The following PDZRN3 variants were observed in gnomAD, a reference collection of about 807,000 sequenced individuals.
PDZRN3 encodes the protein E3 ubiquitin-protein ligase PDZRN3.
Under a neutral mutation model 85.7 loss-of-function variants are expected in PDZRN3, and 38 were observed. That is an observed-to-expected ratio of 0.44 (90% CI 0.34 to 0.58). The LOEUF is 0.58. Ranked by LOEUF, PDZRN3 falls within the 20% of genes least tolerant of loss-of-function variation. The pLI, the probability that PDZRN3 is intolerant of heterozygous loss-of-function variation, is 0.01. For missense variants in PDZRN3, 1,629 were observed against 1,506.4 expected, an observed-to-expected ratio of 1.08 and a Z score of -1.35; for synonymous variants, 759 against 638.0, an observed-to-expected ratio of 1.19 and a Z score of -2.86.
chr3:73,570,331 A>G (rs1484768334), intron 3 of PDZRN3, among the ~76,000 whole-genome samples: 1 of 152,228 alleles, frequency 6.6e-6, no homozygotes, highest in Non-Finnish European at 1.5e-5. Flanking sequence ...TGTTAACAAA[A>G]TGTGAGACTA....
intron 3 of PDZRN3, among the ~76,000 whole-genome samples, chr3:73,575,627 T>C (rs1417667915): frequency 6.6e-6 from 1 of 152,184 alleles, no homozygotes; most frequent in African/African-American, 2.4e-5. Context: ...TCCAAGAAAG[T>C]TCAGAAGAAG....
intron 3 of PDZRN3, among the ~76,000 whole-genome samples, chr3:73,453,854 C>T (rs138079147): frequency 2.6e-5 from 4 of 152,122 alleles, no homozygotes; most frequent in Non-Finnish European, 5.9e-5. Context: ...CCATTTCCTG[C>T]ATTGTATTCA....
At chr3:73,540,098 A>C (rs1329151712) in intron 3 of PDZRN3, among the ~76,000 whole-genome samples, 1 of 151,216 alleles carries the variant, frequency 6.6e-6, no homozygotes, top group Non-Finnish European at 1.5e-5. Flanking sequence ...AAAAAAAAAA[A>C]AAAAAAAAAA....
chr3:73,615,988 CCT>C (rs1319280255), intron 1 of PDZRN3, among the ~76,000 whole-genome samples: 1 of 152,164 alleles, frequency 6.6e-6, no homozygotes, highest in East Asian at 1.9e-4. Context: ...GGGGTGGACA[CCT>C]CATGAAGAGA....
At chr3:73,389,662 A>G (rs1559650764) in intron 7 of PDZRN3, among the ~76,000 whole-genome samples, 154 bp downstream of exon 7, 1 of 152,236 alleles carries the variant, frequency 6.6e-6, no homozygotes, top group South Asian at 2.1e-4. Flanking sequence ...TAGCCTCACA[A>G]TTAGTTTAAC....
intron 3 of PDZRN3, among the ~76,000 whole-genome samples, chr3:73,563,176 G>A (rs1217543071): frequency 2.0e-5 from 3 of 149,626 alleles, no homozygotes; most frequent in African/African-American, 7.4e-5. Flanking sequence ...CCGCCACCAC[G>A]CCCGGCTATT....
At chr3:73,586,000 A>G (rs189051279) in intron 3 of PDZRN3, among the ~76,000 whole-genome samples, 23 of 152,354 alleles carry the variant, frequency 1.5e-4, no homozygotes, top group Non-Finnish European at 5.9e-5. Context: ...ACTAAGAAAA[A>G]GGTTTACTTG....
intron 3 of PDZRN3, among the ~76,000 whole-genome samples, chr3:73,580,333 T>G (rs1185708221): frequency 1.3e-5 from 2 of 152,180 alleles, no homozygotes; most frequent in Admixed American, 1.3e-4. Context: ...CCTCAGATCC[T>G]TATGGGGTTC....
chr3:73,492,632 G>C (rs1480397013), intron 3 of PDZRN3, among the ~76,000 whole-genome samples: 1 of 152,190 alleles, frequency 6.6e-6, no homozygotes, highest in Non-Finnish European at 1.5e-5. Flanking sequence ...AGCACCCAAG[G>C]AGGCAGTGTG....
At chr3:73,447,722 GATTA>G (rs1220937196) in intron 3 of PDZRN3, among the ~76,000 whole-genome samples, 1 of 152,200 alleles carries the variant, frequency 6.6e-6, no homozygotes, top group Non-Finnish European at 1.5e-5. Flanking sequence ...AGTCCAAAAA[GATTA>G]CTTACCGGCG....
rs539418350 is a variant in PDZRN3 at position 73,583,179 on chromosome 3, C to T, written c.918+19175G>A. Among the ~76,000 whole-genome samples, 11 of 152,258 alleles carry T rather than the reference C, an allele frequency of 7.2e-5. No homozygotes were observed. The South Asian group carries it at 2.1e-3, about 29-fold the overall frequency. ...ACCTACCTTATGAGATAGAAACTGT[C>T]GTGCTCATTTTTCAGGCAAGAACAT... is the stretch of plus-strand genomic sequence containing the variant. On this transcript the variant is annotated intron_variant, in intron 3 of 9. Transcript: ENST00000263666.
intron 3 of PDZRN3, among the ~76,000 whole-genome samples, chr3:73,416,461 G>C (rs1702083918): frequency 6.6e-6 from 1 of 151,220 alleles, no homozygotes; most frequent in East Asian, 1.9e-4. Flanking sequence ...TTCTGTAATG[G>C]GCTCTGGATC....
chr3:73,604,368 G>T (rs921855180), intron 2 of PDZRN3, among the ~76,000 whole-genome samples: 6 of 152,168 alleles, frequency 3.9e-5, no homozygotes, highest in African/African-American at 1.4e-4. Flanking sequence ...ACCACAAGTG[G>T]TAAGTACTAT....
At chr3:73,480,171 T>G (rs1703534555) in intron 3 of PDZRN3, among the ~76,000 whole-genome samples, 1 of 152,194 alleles carries the variant, frequency 6.6e-6, no homozygotes, top group Non-Finnish European at 1.5e-5. Flanking sequence ...TGTCAGAGAA[T>G]GCCCTGATTC....
intron 3 of PDZRN3, among the ~76,000 whole-genome samples, chr3:73,503,635 G>A (rs1323990413): frequency 6.6e-6 from 1 of 152,112 alleles, no homozygotes; most frequent in Non-Finnish European, 1.5e-5. Context: ...TTTTCCCTAT[G>A]TACTTTGCAA....
At chr3:73,522,564 A>C (rs889769671) in intron 3 of PDZRN3, among the ~76,000 whole-genome samples, 2 of 152,206 alleles carry the variant, frequency 1.3e-5, no homozygotes, top group African/African-American at 4.8e-5. Flanking sequence ...TGAGAATCAA[A>C]TACAGTGAGT....
chr3:73,408,316 T>C (rs1701895571), intron 3 of PDZRN3: 1 of 663,008 alleles, frequency 1.5e-6, no homozygotes. Context: ...TTAGATGAGA[T>C]AACTTACTGG....
chr3:73,550,445 GA>G (rs2106802756), intron 3 of PDZRN3, among the ~76,000 whole-genome samples: 1 of 152,258 alleles, frequency 6.6e-6, no homozygotes, highest in South Asian at 2.1e-4. Flanking sequence ...TCTTACCCTA[GA>G]CCAATTAAAC....
chr3:73,524,071 T>G (rs1704461442), intron 3 of PDZRN3, among the ~76,000 whole-genome samples: 1 of 152,146 alleles, frequency 6.6e-6, no homozygotes, highest in African/African-American at 2.4e-5. Flanking sequence ...CCCCGGGACC[T>G]CTCCTTTCAC....
Sources: allele counts gnomAD v4.1 joint callset (sites outside exome capture counted in the v4.1 genomes callset), GRCh38; gene constraint gnomAD v4.1.1; transcripts MANE v1.5; gene names NCBI Gene and HGNC (gene_info 2026-07-23, HGNC 2026-07-21).